NUP43: variants seen among roughly 807,000 people sequenced by gnomAD.
NUP43 encodes the protein nucleoporin 43, also known as nucleoporin Nup43.
NUP43 carries 32 observed loss-of-function variants against 47.3 expected under a neutral mutation model. The observed-to-expected ratio is 0.68, with a 90% CI of 0.51 to 0.91. NUP43 has a LOEUF of 0.91. NUP43 is among the 40% of genes least tolerant of loss of function. The probability of loss-of-function intolerance (pLI) is 0.00; values close to 1 mark genes in which losing one functional copy is unlikely to be tolerated. For synonymous variants in NUP43, 147 were observed against 158.4 expected, an observed-to-expected ratio of 0.93 and a Z score of 0.54; for missense variants, 444 against 453.9, an observed-to-expected ratio of 0.98 and a Z score of 0.20.
Position 149,746,187 on chromosome 6 carries a change from A to G in NUP43, c.121-125T>C, listed in dbSNP as rs1383388909. ...AATGGTATGGTGAGTTTAAAACACA[A>G]CGAGATACGAGGCTCAGGCATGCCA... On this transcript the variant is annotated intron_variant, in intron 1 of 7. Transcript: ENST00000340413. The G allele has an allele frequency of 9.5e-5, 126 of 1,325,720 alleles. No individual in the cohort carries two copies. In the South Asian group the frequency reaches 1.6e-3, roughly 17 times the overall value. The allele number at this position is 1,325,720 out of a possible 1,614,324, so 82.1% of individuals were successfully genotyped here.
intron 4 of NUP43, 47 bp from the exon 5 acceptor site, chr6:149,738,825 T>C (rs1785496676): frequency 1.6e-6 from 2 of 1,259,670 alleles, no homozygotes; most frequent in Non-Finnish European, 2.1e-6. Context: ...TCCCCTTTTT[T>C]TCCCAAGAAA....
chr6:149,727,849 CATT>C, intron 7 of NUP43: 2 of 985,218 alleles, frequency 2.0e-6, no homozygotes, highest in Non-Finnish European at 2.4e-6. Flanking sequence ...CAATTTTAGT[CATT>C]ATTCGCAACT....
chr6:149,736,447 T>G, intron 6 of NUP43, 24 bp downstream of exon 6: 1 of 1,541,164 alleles, frequency 6.5e-7, no homozygotes, highest in Non-Finnish European at 8.9e-7. Flanking sequence ...CAATATAAAC[T>G]TTCTGTATCT....
At chr6:149,733,457 T>C (rs903343952) in intron 6 of NUP43, among the ~76,000 whole-genome samples, 27 of 152,192 alleles carry the variant, frequency 1.8e-4, no homozygotes, top group African/African-American at 6.5e-4. Context: ...TCTCTCTCTC[T>C]TTTTGAAACA....
intron 4 of NUP43, among the ~76,000 whole-genome samples, chr6:149,741,077 TTC>T (rs991737063): frequency 1.3e-5 from 2 of 152,140 alleles, no homozygotes; most frequent in African/African-American, 4.8e-5. Context: ...AAAAAAAGGT[TTC>T]TGTTTCCTCT....
chr6:149,732,958 T>C (rs1157787246), intron 6 of NUP43, among the ~76,000 whole-genome samples: 2 of 152,168 alleles, frequency 1.3e-5, no homozygotes, highest in East Asian at 3.8e-4. Context: ...TGCTATGTTG[T>C]CTACCTTGGT....
upstream of NUP43, among the ~76,000 whole-genome samples, chr6:149,748,334 A>T (rs1786126938): frequency 6.6e-6 from 1 of 152,160 alleles, no homozygotes; most frequent in Non-Finnish European, 1.5e-5. Context: ...AAAGCAAAAA[A>T]ACAAAAAGAA....
chr6:149,731,522 C>G, intron 7 of NUP43, 91 bp downstream of exon 7: 1 of 1,174,602 alleles, frequency 8.5e-7, no homozygotes, highest in Non-Finnish European at 1.2e-6. Context: ...GAGATCGTGC[C>G]ACTGCATTCC....
chr6:149,736,255 C>T (rs1322553575), intron 6 of NUP43, among the ~76,000 whole-genome samples: 1 of 151,930 alleles, frequency 6.6e-6, no homozygotes, highest in Non-Finnish European at 1.5e-5. Context: ...CCAGCCTGGG[C>T]AACAAGGGTG....
chr6:149,736,561 C>T lies in NUP43; in HGVS notation c.700G>A (p.Ala234Thr). The change falls in exon 6 of 8, where the codon GCT (alanine) becomes ACT (threonine). Residue 234 changes from alanine (A) to threonine (T), a missense_variant. Physicochemically the swap from Ala to Thr is moderately conservative, Grantham distance 58 (BLOSUM62 0). Transcript: ENST00000340413. Reference sequence around the variant, plus strand: ...AACATTCCATCTTGGCCACCAGTAGCTACAACATGCTGTTGGTTGGGATGT... The same window carrying T: ...AACATTCCATCTTGGCCACCAGTAGTTACAACATGCTGTTGGTTGGGATGT... ...DRHPNQQHVV[A>T]TGGQDGMLSI... 1 of 1,611,210 alleles carries T rather than the reference C, an allele frequency of 6.2e-7. No homozygotes were observed. Among genetic ancestry groups the T allele is most frequent in the Non-Finnish European group, 8.5e-7 (1 of 1,177,600 alleles).
chr6:149,728,409 T>G (rs1324501172), intron 7 of NUP43: 2 of 984,196 alleles, frequency 2.0e-6, no homozygotes, highest in East Asian at 2.3e-4. Context: ...ACTGTTTGTT[T>G]CTCTGTAGAT....
intron 3 of NUP43, among the ~76,000 whole-genome samples, chr6:149,743,342 G>A (rs1349786973): frequency 6.6e-6 from 1 of 152,130 alleles, no homozygotes; most frequent in East Asian, 1.9e-4. Context: ...GCTCACACCT[G>A]TAATCCCAGC....
At chr6:149,738,263 T>G (rs1237561281) in intron 5 of NUP43, among the ~76,000 whole-genome samples, 1 of 152,198 alleles carries the variant, frequency 6.6e-6, no homozygotes, top group Non-Finnish European at 1.5e-5. Context: ...CACATTCTAT[T>G]TTCTTACGAG....
chr6:149,733,268 C>G (rs1485501722), intron 6 of NUP43, among the ~76,000 whole-genome samples: 3 of 152,208 alleles, frequency 2.0e-5, no homozygotes, highest in African/African-American at 7.2e-5. Context: ...CTGACTTCTA[C>G]CAAACCAAAA....
In NUP43 at chr6:149,746,527, A is replaced by C. The variant is rs765947940; in HGVS notation, c.-32T>G. The C allele has an allele frequency of 1.2e-6, 2 of 1,614,114 alleles. No individual in the cohort carries two copies. The highest frequency in any genetic ancestry group is 1.3e-5 in the African/African-American group (1 of 75,042). On this transcript the variant is annotated 5_prime_UTR_variant, in exon 1 of 8. Coordinates refer to ENST00000340413, the MANE Select transcript of NUP43 (RefSeq NM_198887.3). ...AGCGGCCGCAGCAGGTACTGCAAAA[A>C]GCAAGCACAGTACGCGCCTCTCAGC... is the stretch of plus-strand genomic sequence containing the variant.
At chr6:149,737,104 C>T (rs577913817) in intron 5 of NUP43, among the ~76,000 whole-genome samples, 41 of 152,012 alleles carry the variant, frequency 2.7e-4, no homozygotes, top group African/African-American at 6.5e-4. Flanking sequence ...GCCAAAATGG[C>T]GAAACCCCAT....
intron 4 of NUP43, among the ~76,000 whole-genome samples, chr6:149,740,836 G>A (rs1785615480): frequency 6.6e-6 from 1 of 152,086 alleles, no homozygotes; most frequent in Non-Finnish European, 1.5e-5. Flanking sequence ...TTTGCAATCT[G>A]GCCCCAGCTT....
At chr6:149,739,763 G>C (rs955017600) in intron 4 of NUP43, among the ~76,000 whole-genome samples, 1 of 151,918 alleles carries the variant, frequency 6.6e-6, no homozygotes, top group South Asian at 2.1e-4. Context: ...GCTTCCTACA[G>C]AGCTCATTCT....
intron 6 of NUP43, among the ~76,000 whole-genome samples, chr6:149,735,954 C>A (rs1785318368): frequency 7.2e-6 from 1 of 138,512 alleles, no homozygotes; most frequent in Non-Finnish European, 1.5e-5. Context: ...GCCTGGGCGA[C>A]AGAACCAGAC....
Sources: allele counts gnomAD v4.1 joint callset (sites outside exome capture counted in the v4.1 genomes callset), GRCh38; gene constraint gnomAD v4.1.1; transcripts MANE v1.5; gene names NCBI Gene and HGNC (gene_info 2026-07-23, HGNC 2026-07-21).